Variants in SYT9 observed in about 807,000 individuals in gnomAD.
SYT9 encodes the protein synaptotagmin-9.
A neutral mutation model predicts 48.4 loss-of-function variants in SYT9; 22 were observed. That is an observed-to-expected ratio of 0.45 (90% CI 0.32 to 0.65). SYT9 has a LOEUF of 0.65. Among genes scored for constraint, SYT9 ranks in the 30% least tolerant of loss-of-function variants. SYT9 has a pLI of 0.03. For missense variants in SYT9, 577 were observed against 622.0 expected (o/e 0.93, Z 0.77); for synonymous variants, 265 against 245.0 (o/e 1.08, Z -0.76).
intron 3 of SYT9, among the ~76,000 whole-genome samples, chr11:7,410,668 C>A (rs1001325713): frequency 2.4e-4 from 37 of 152,142 alleles, no homozygotes; most frequent in South Asian, 8.3e-4. Context: ...AGTATAGCTA[C>A]TTCTGCTGAC....
chr11:7,383,035 G>A (rs185281889), intron 3 of SYT9, among the ~76,000 whole-genome samples: 19 of 152,256 alleles, frequency 1.2e-4, no homozygotes, highest in African/African-American at 4.1e-4. Flanking sequence ...AGGATCCATC[G>A]CTTAAGAAGG....
intron 2 of SYT9, among the ~76,000 whole-genome samples, chr11:7,304,248 T>C (rs1453817152): frequency 6.6e-6 from 1 of 152,232 alleles, no homozygotes; most frequent in East Asian, 1.9e-4. Context: ...GCCATTTTGC[T>C]GTTAGTATTG....
At chr11:7,284,905 A>G (rs142565609) in intron 1 of SYT9, among the ~76,000 whole-genome samples, 63 of 152,270 alleles carry the variant, frequency 4.1e-4, no homozygotes, top group African/African-American at 1.5e-3. Context: ...GTACTTTAGT[A>G]TGGGTGAACC....
chr11:7,295,443 CTT>C (rs1848782384), intron 1 of SYT9, among the ~76,000 whole-genome samples: 1 of 152,180 alleles, frequency 6.6e-6, no homozygotes, highest in South Asian at 2.1e-4. Flanking sequence ...CTCTCTGAGA[CTT>C]TATCAGAATG....
chr11:7,246,051 C>CA (rs1564834437), intron 1 of SYT9, among the ~76,000 whole-genome samples: 1 of 149,890 alleles, frequency 6.7e-6, no homozygotes, highest in African/African-American at 2.4e-5. Flanking sequence ...CTTCTATGCA[C>CA]TTTTTTTTTT....
At chr11:7,255,559 G>C (rs1847952868) in intron 1 of SYT9, among the ~76,000 whole-genome samples, 1 of 152,132 alleles carries the variant, frequency 6.6e-6, no homozygotes, top group African/African-American at 2.4e-5. Context: ...CAGGGATAGT[G>C]GTAATGGAGG....
chr11:7,333,488 T>C (rs1849579347), intron 3 of SYT9, among the ~76,000 whole-genome samples: 1 of 152,266 alleles, frequency 6.6e-6, no homozygotes, highest in Non-Finnish European at 1.5e-5. Context: ...AAGATGAGCA[T>C]GACTGACTTT....
chr11:7,437,488 C>G (rs994779826), intron 6 of SYT9: 1 of 152,162 alleles, frequency 6.6e-6, no homozygotes, highest in Non-Finnish European at 1.5e-5. Context: ...TAATGGGCCA[C>G]TGCCCATTAT....
In SYT9 at chr11:7,252,342, C is replaced by T; in HGVS notation, c.145+11C>T. On this transcript the variant is annotated intron_variant, in intron 1 of 6. Transcript: ENST00000318881. The surrounding 1 kb of genome is among the most constrained non-coding windows in gnomAD (Gnocchi z 6.3). Reference sequence around the variant, plus strand: ...GGCTCCGCGACCCAGGTGAGTGCCGCCACCGCCGCCTGGAGGGACCTAAGG... The same window carrying T: ...GGCTCCGCGACCCAGGTGAGTGCCGTCACCGCCGCCTGGAGGGACCTAAGG... The T allele has an allele frequency of 6.9e-7, 1 of 1,457,366 alleles. No homozygotes were observed. The highest frequency in any genetic ancestry group is 1.4e-5 in the South Asian group (1 of 70,288). 90.3% of individuals were successfully genotyped at this position (1,457,366 alleles called of 1,614,324 possible).
intron 4 of SYT9, among the ~76,000 whole-genome samples, chr11:7,416,542 AG>A (rs1847254511): frequency 6.6e-6 from 1 of 152,252 alleles, no homozygotes; most frequent in African/African-American, 2.4e-5. Flanking sequence ...AAAAATACTC[AG>A]GAAAAAAGTA....
In SYT9 at chr11:7,468,316, T is replaced by C; in HGVS notation, c.*1516T>C. On this transcript the variant is annotated 3_prime_UTR_variant, in exon 7 of 7. Transcript: ENST00000318881. ...AGCTGCCTAGTACTATACAAGAAGC[T>C]CTACTTTGATGGCAGATCTAAGAAG... The C allele has an allele frequency of 2.5e-6, 1 of 398,642 alleles. No individual in the cohort carries two copies. Among genetic ancestry groups the C allele is most frequent in the Non-Finnish European group, 4.4e-6 (1 of 226,056 alleles). The allele number at this position is 398,642 out of a possible 1,614,324, so 24.7% of individuals were successfully genotyped here. A position where few individuals can be genotyped will look rare whatever the true frequency, so the allele number is the denominator to read the frequency against.
rs140293515 is a variant in SYT9, at chr11:7,458,377, A to G, written c.1468-8415A>G. ...TCGCCTGTAATCCCAGCCACTCAAA[A>G]GGCTGAGGCAGGAGAGTCACTTGAA... On this transcript the variant is annotated intron_variant, in intron 6 of 6. Transcript: ENST00000318881. 4.6e-3 allele frequency among the ~76,000 whole-genome samples: 702 copies of G among 152,284 alleles called. 1 individual carries two copies. Among genetic ancestry groups the G allele is most frequent in the African/African-American group, 0.016 (667 of 41,564 alleles).
chr11:7,270,155 A>C (rs1258925511), intron 1 of SYT9, among the ~76,000 whole-genome samples: 1 of 152,204 alleles, frequency 6.6e-6, no homozygotes, highest in African/African-American at 2.4e-5. Flanking sequence ...TTAAATGTAC[A>C]ATAATACCAT....
chr11:7,255,045 G>T (rs1847942500), intron 1 of SYT9, among the ~76,000 whole-genome samples: 1 of 152,210 alleles, frequency 6.6e-6, no homozygotes, highest in Non-Finnish European at 1.5e-5. Context: ...TGGAACTGAA[G>T]TGCCTCACCC....
At chr11:7,334,050 C>A (rs1034376133) in intron 3 of SYT9, among the ~76,000 whole-genome samples, 1 of 152,146 alleles carries the variant, frequency 6.6e-6, no homozygotes, top group Admixed American at 6.6e-5. Flanking sequence ...AACATTGAAG[C>A]TGAGACAAAA....
intron 1 of SYT9, among the ~76,000 whole-genome samples, chr11:7,241,190 G>A (rs1349259166): frequency 1.3e-5 from 2 of 149,826 alleles, no homozygotes; most frequent in Non-Finnish European, 3.0e-5. Flanking sequence ...CAACAAGAAG[G>A]AAGAGGTGTT....
At chr11:7,437,991 T>A (rs1353482569) in intron 6 of SYT9, 1 of 152,202 alleles carries the variant, frequency 6.6e-6, no homozygotes, top group Non-Finnish European at 1.5e-5. Flanking sequence ...TCCTGCTAGG[T>A]TGCGAATACT....
At chr11:7,263,716 G>A (rs1050917583) in intron 1 of SYT9, among the ~76,000 whole-genome samples, 1 of 152,116 alleles carries the variant, frequency 6.6e-6, no homozygotes, top group Non-Finnish European at 1.5e-5. Context: ...ACTGACCATT[G>A]CATTTAATAA....
intron 3 of SYT9, among the ~76,000 whole-genome samples, chr11:7,357,857 C>A (rs1045004632): frequency 6.6e-6 from 1 of 151,516 alleles, no homozygotes; most frequent in Non-Finnish European, 1.5e-5. Context: ...TATATTAATT[C>A]GACTAGAATT....
Sources: gnomAD v4.1 joint callset for allele counts (sites outside exome capture counted in the v4.1 genomes callset) on GRCh38, gnomAD v4.1.1 for gene constraint, Gnocchi (gnomAD v3.1) non-coding constraint, MANE v1.5 for transcripts, NCBI Gene and HGNC (gene_info 2026-07-23, HGNC 2026-07-21) for gene names.